WDPCP: variants seen among roughly 807,000 people sequenced by gnomAD.
WDPCP encodes WD repeat containing planar cell polarity effector.
A neutral mutation model predicts 93.1 loss-of-function variants in WDPCP; 71 were observed. That is an observed-to-expected ratio of 0.76 (90% CI 0.63 to 0.93). WDPCP has a LOEUF of 0.93. Among genes scored for constraint, WDPCP ranks in the 40% least tolerant of loss-of-function variants. The probability of loss-of-function intolerance (pLI) is 0.00; values close to 1 mark genes in which losing one functional copy is unlikely to be tolerated. For synonymous variants in WDPCP, 315 were observed against 315.0 expected (o/e 1.00, Z 0.00); for missense variants, 844 against 887.4 (o/e 0.95, Z 0.62).
chr2:63,399,095 T>C (rs1307729758), intron 10 of WDPCP, among the ~76,000 whole-genome samples: 1 of 152,210 alleles, frequency 6.6e-6, no homozygotes, highest in Admixed American at 6.5e-5. Flanking sequence ...AAAAAATCCT[T>C]GGAAATTCCA....
At chr2:63,744,787 T>C (rs1669770883) in intron 2 of WDPCP, among the ~76,000 whole-genome samples, 1 of 152,050 alleles carries the variant, frequency 6.6e-6, no homozygotes, top group Non-Finnish European at 1.5e-5. Context: ...GAAACTTCCA[T>C]GTGGTGAGAT....
intron 1 of WDPCP, among the ~76,000 whole-genome samples, chr2:63,512,316 T>G (rs755115245): frequency 7.2e-5 from 11 of 152,196 alleles, no homozygotes; most frequent in Non-Finnish European, 1.3e-4. Context: ...GTTCAGTCAC[T>G]GTGTCAGACA....
intron 14 of WDPCP, among the ~76,000 whole-genome samples, chr2:63,254,266 G>T (rs1035552544): frequency 6.6e-6 from 1 of 152,014 alleles, no homozygotes; most frequent in Admixed American, 6.6e-5. Flanking sequence ...ACTACTTCTT[G>T]GGTACTATTG....
chr2:63,767,440 T>C (rs1670159549), intron 2 of WDPCP, among the ~76,000 whole-genome samples: 2 of 152,316 alleles, frequency 1.3e-5, no homozygotes, highest in African/African-American at 4.8e-5. Flanking sequence ...AAAACAACGA[T>C]AACATTTTAC....
chr2:63,313,853 C>CATATATATATAT (rs1239251914), intron 12 of WDPCP, among the ~76,000 whole-genome samples: 4 of 38,524 alleles, frequency 1.0e-4, no homozygotes, highest in Non-Finnish European at 1.6e-4. Context: ...ATTATTCATA[C>CATATATATATAT]ATATATATAT....
At chr2:63,521,833 C>G (rs1440887043) in intron 1 of WDPCP, among the ~76,000 whole-genome samples, 1 of 152,172 alleles carries the variant, frequency 6.6e-6, no homozygotes, top group Non-Finnish European at 1.5e-5. Context: ...CAACCACACT[C>G]TCGGGCCACA....
chr2:63,134,994 G>A (rs977186817), intron 17 of WDPCP, among the ~76,000 whole-genome samples: 1 of 152,070 alleles, frequency 6.6e-6, no homozygotes, highest in Non-Finnish European at 1.5e-5. Context: ...GTGGTGGCAC[G>A]GGCCTGTAGT....
intron 6 of WDPCP, among the ~76,000 whole-genome samples, chr2:63,451,363 C>T (rs537442668): frequency 1.3e-5 from 2 of 152,186 alleles, no homozygotes; most frequent in African/African-American, 2.4e-5. Context: ...GTAAATTCTT[C>T]GACACATACA....
chr2:63,280,100 A>C (rs1683409999), intron 13 of WDPCP, among the ~76,000 whole-genome samples: 1 of 152,238 alleles, frequency 6.6e-6, no homozygotes, highest in South Asian at 2.1e-4. Context: ...CATTCTTCAC[A>C]AAACTAGAAA....
chr2:63,494,850 G>A (rs1289137637), intron 1 of WDPCP, among the ~76,000 whole-genome samples: 12 of 151,384 alleles, frequency 7.9e-5, no homozygotes, highest in Non-Finnish European at 1.3e-4. Context: ...AACGCGGGAG[G>A]CGGAGCTTGC....
At chr2:63,751,443 C>A (rs57531829) in intron 2 of WDPCP, among the ~76,000 whole-genome samples, 3 of 152,116 alleles carry the variant, frequency 2.0e-5, no homozygotes, top group Admixed American at 2.0e-4. Flanking sequence ...AAAACCCTTT[C>A]TTGGAATGCT....
intron 14 of WDPCP, among the ~76,000 whole-genome samples, chr2:63,236,662 C>T (rs1000453026): frequency 1.3e-5 from 2 of 152,006 alleles, no homozygotes; most frequent in African/African-American, 4.8e-5. Flanking sequence ...ATAGAGAATG[C>T]TGAAATAAAG....
At chr2:63,218,704 A>G (rs771235458) in intron 14 of WDPCP, among the ~76,000 whole-genome samples, 2 of 150,296 alleles carry the variant, frequency 1.3e-5, no homozygotes, top group Admixed American at 6.6e-5. Flanking sequence ...TAATTTTTGT[A>G]TTTTTTTAGT....
At chr2:63,590,528 T>C (rs1575718478), upstream of WDPCP, 1 of 152,220 alleles carries the variant, frequency 6.6e-6, no homozygotes, top group African/African-American at 2.4e-5. Flanking sequence ...AACTCAAATA[T>C]GTTATCAGCA....
chr2:63,219,549 G>A (rs1407562292), intron 14 of WDPCP, among the ~76,000 whole-genome samples: 4 of 152,202 alleles, frequency 2.6e-5, no homozygotes, highest in African/African-American at 9.6e-5. Flanking sequence ...AGTGATTGAT[G>A]TAAGAATGAT....
chr2:63,439,951 A>G (rs1558638107), intron 6 of WDPCP, 80 bp from the exon 7 acceptor site: 2 of 1,016,562 alleles, frequency 2.0e-6, no homozygotes, highest in Middle Eastern at 2.1e-4. Context: ...CTCCAAATAT[A>G]CAACTTATAC....
At chr2:63,690,577 G>C (rs1244929015) in intron 2 of WDPCP, among the ~76,000 whole-genome samples, 1 of 151,886 alleles carries the variant, frequency 6.6e-6, no homozygotes, top group Non-Finnish European at 1.5e-5. Context: ...AACATAGCAA[G>C]ATCTCCTCTC....
intron 3 of WDPCP, among the ~76,000 whole-genome samples, chr2:63,619,888 G>A (rs112627949): frequency 6.6e-6 from 1 of 152,264 alleles, no homozygotes; most frequent in South Asian, 2.1e-4. Flanking sequence ...AAAGCAGAGT[G>A]GGACATTGCC....
intron 1 of WDPCP, among the ~76,000 whole-genome samples, chr2:63,519,421 A>C (rs1429442411): frequency 3.3e-5 from 5 of 152,160 alleles, no homozygotes; most frequent in Non-Finnish European, 7.4e-5. Flanking sequence ...GTGAGAGTAC[A>C]TGCTGCCATG....
Sources: gnomAD v4.1 joint callset for allele counts (sites outside exome capture counted in the v4.1 genomes callset) on GRCh38, gnomAD v4.1.1 for gene constraint, MANE v1.5 for transcripts, NCBI Gene and HGNC (gene_info 2026-07-23, HGNC 2026-07-21) for gene names.